PTPRK: variants seen among roughly 807,000 people sequenced by gnomAD.
The protein encoded by PTPRK is protein tyrosine phosphatase receptor type K.
In PTPRK, 75 loss-of-function variants were observed where a neutral mutation model predicts 178.0. That is an observed-to-expected ratio of 0.42 (90% CI 0.35 to 0.51). PTPRK has a LOEUF of 0.51. Ranked by LOEUF, PTPRK falls within the 20% of genes least tolerant of loss-of-function variation. The pLI is 0.02. For synonymous variants in PTPRK, 637 were observed against 620.6 expected (o/e 1.03, Z -0.39); for missense variants, 1,441 against 1,797.8 (o/e 0.80, Z 3.59).
intron 7 of PTPRK, among the ~76,000 whole-genome samples, chr6:128,122,899 G>C (rs1792706248): frequency 6.6e-6 from 1 of 152,134 alleles, no homozygotes; most frequent in African/African-American, 2.4e-5. Context: ...CTTTTGCCCA[G>C]TTCATGCAGA....
intron 5 of PTPRK, among the ~76,000 whole-genome samples, chr6:128,225,783 G>GAA (rs372368468): frequency 2.0e-5 from 3 of 147,820 alleles, no homozygotes; most frequent in African/African-American, 7.4e-5. Context: ...TGTTCTCCTA[G>GAA]AAAAAAAAAA....
intron 7 of PTPRK, among the ~76,000 whole-genome samples, chr6:128,179,955 C>G (rs1055740613): frequency 2.6e-5 from 4 of 152,026 alleles, no homozygotes; most frequent in African/African-American, 9.7e-5. Context: ...CTTCATAGAT[C>G]TAACTGTTTC....
intron 7 of PTPRK, among the ~76,000 whole-genome samples, chr6:128,114,093 G>T (rs943909120): frequency 1.3e-5 from 2 of 152,050 alleles, no homozygotes; most frequent in Non-Finnish European, 2.9e-5. Context: ...TTACTTAGAG[G>T]TTTGTGGGGT....
At chr6:127,986,112 C>T (rs971243252) in intron 21 of PTPRK, among the ~76,000 whole-genome samples, 13 of 152,082 alleles carry the variant, frequency 8.5e-5, no homozygotes, top group African/African-American at 2.7e-4. Context: ...TTGCTCAGTT[C>T]TAAAAGTCTG....
intron 6 of PTPRK, among the ~76,000 whole-genome samples, chr6:128,196,158 T>C (rs1281962919): frequency 6.6e-6 from 1 of 152,066 alleles, no homozygotes; most frequent in Non-Finnish European, 1.5e-5. Flanking sequence ...GGAGAATATG[T>C]AGGCTTAATG....
intron 3 of PTPRK, among the ~76,000 whole-genome samples, chr6:128,258,105 A>G (rs1006783037): frequency 1.3e-5 from 2 of 152,142 alleles, no homozygotes; most frequent in Non-Finnish European, 2.9e-5. Context: ...CACAGGGAGG[A>G]AAGTGTCTGA....
chr6:128,029,331 C>T (rs935617495), intron 13 of PTPRK, among the ~76,000 whole-genome samples: 2 of 152,032 alleles, frequency 1.3e-5, no homozygotes, highest in Non-Finnish European at 2.9e-5. Context: ...GCCTGCAGAA[C>T]CATGAACCAT....
At chr6:128,464,373 C>A (rs1326650862) in intron 1 of PTPRK, among the ~76,000 whole-genome samples, 5 of 151,434 alleles carry the variant, frequency 3.3e-5, no homozygotes, top group Admixed American at 2.6e-4. Flanking sequence ...GTCCCTAGGA[C>A]TTTTGAGTAA....
intron 1 of PTPRK, among the ~76,000 whole-genome samples, chr6:128,407,653 A>AAG (rs1554255914): frequency 6.1e-5 from 9 of 147,724 alleles, no homozygotes; most frequent in Non-Finnish European, 9.0e-5. Context: ...AAAAAAAAAA[A>AAG]AAGAAGAAGA....
intron 1 of PTPRK, among the ~76,000 whole-genome samples, chr6:128,465,797 T>G (rs79896729): frequency 0.016 from 2,485 of 152,164 alleles, 29 homozygotes; most frequent in Non-Finnish European, 0.027. Context: ...CATAACTCAG[T>G]AAATACTTAC....
Position 128,003,138 on chromosome 6 carries a change from AC to A in PTPRK, c.2494+1945del. On this transcript the variant is annotated intron_variant, in intron 15 of 29. Coordinates refer to ENST00000368226, the MANE Select transcript of PTPRK (RefSeq NM_002844.4). ...CTGTAAATAATCTCTATGTGGGCAAACCCATGCAAGGAGGTGTGATCCATGC... is the reference window on the plus strand; with the variant it reads ...CTGTAAATAATCTCTATGTGGGCAAACCATGCAAGGAGGTGTGATCCATGC... The A allele has an allele frequency of 2.0e-6, 3 of 1,496,840 alleles. No individual in the cohort carries two copies. The Admixed American group carries it at 5.5e-5, about 27-fold the overall frequency. The allele number at this position is 1,496,840 out of a possible 1,614,324, so 92.7% of individuals were successfully genotyped here.
intron 2 of PTPRK, among the ~76,000 whole-genome samples, chr6:128,347,626 G>A (rs959211386): frequency 1.3e-5 from 2 of 152,094 alleles, no homozygotes; most frequent in Non-Finnish European, 2.9e-5. Flanking sequence ...GAAGGGGACA[G>A]TAGATAAATA....
intron 1 of PTPRK, among the ~76,000 whole-genome samples, chr6:128,403,248 C>T (rs996711298): frequency 1.3e-5 from 2 of 152,188 alleles, no homozygotes; most frequent in Admixed American, 1.3e-4. Flanking sequence ...AATAAACAAT[C>T]TTCAATAAGA....
chr6:127,995,711 C>T (rs961176415), intron 17 of PTPRK, among the ~76,000 whole-genome samples, 173 bp from the exon 18 acceptor site: 3 of 151,994 alleles, frequency 2.0e-5, no homozygotes, highest in Admixed American at 6.6e-5. Flanking sequence ...TGCTATTACA[C>T]TTATAATATT....
At chr6:128,459,153 T>G (rs1584811241) in intron 1 of PTPRK, among the ~76,000 whole-genome samples, 1 of 152,068 alleles carries the variant, frequency 6.6e-6, no homozygotes, top group East Asian at 1.9e-4. Context: ...TAGGATAAAT[T>G]TCATTATCCC....
chr6:128,169,821 A>G (rs1392297394), intron 7 of PTPRK, among the ~76,000 whole-genome samples: 3 of 131,512 alleles, frequency 2.3e-5, no homozygotes, highest in Non-Finnish European at 4.9e-5. Flanking sequence ...GTGTGTGTGT[A>G]TTATTTTAAG....
At chr6:128,219,847 TG>T (rs1441270064) in intron 5 of PTPRK, among the ~76,000 whole-genome samples, 4 of 152,236 alleles carry the variant, frequency 2.6e-5, no homozygotes, top group Non-Finnish European at 5.9e-5. Flanking sequence ...ATTCCAAATG[TG>T]TAGCATGTGC....
At chr6:128,071,731 T>C (rs902797786) in intron 11 of PTPRK, among the ~76,000 whole-genome samples, 3 of 151,988 alleles carry the variant, frequency 2.0e-5, no homozygotes, top group African/African-American at 7.2e-5. Context: ...ATTGTAATCA[T>C]GGTGAGTCTT....
At chr6:128,000,445 A>G (rs373755002) in intron 15 of PTPRK, 1 of 612,660 alleles carries the variant, frequency 1.6e-6, no homozygotes, top group South Asian at 2.9e-5. Context: ...TTTTTGTAGC[A>G]TTCATTCCTA....
Sources: gnomAD v4.1 joint callset for allele counts (sites outside exome capture counted in the v4.1 genomes callset) on GRCh38, gnomAD v4.1.1 for gene constraint, MANE v1.5 for transcripts, NCBI Gene and HGNC (gene_info 2026-07-23, HGNC 2026-07-21) for gene names.